Variants in ARID1B observed in about 807,000 individuals in gnomAD.
ARID1B encodes AT-rich interactive domain-containing protein 1B.
ARID1B carries 30 observed loss-of-function variants against 212.3 expected under a neutral mutation model. That is an observed-to-expected ratio of 0.14 (90% confidence interval 0.11 to 0.19). The LOEUF is 0.19. Ranked by LOEUF, ARID1B falls within the 10% of genes least tolerant of loss-of-function variation. ARID1B has a pLI of 1.00. For synonymous variants in ARID1B, 1,402 were observed against 1,301.7 expected, an observed-to-expected ratio of 1.08 and a Z score of -1.66; for missense variants, 2,891 against 3,204.0, an observed-to-expected ratio of 0.90 and a Z score of 2.36.
At chr6:156,971,472 T>TA (rs1380811318) in intron 4 of ARID1B, among the ~76,000 whole-genome samples, 1 of 152,208 alleles carries the variant, frequency 6.6e-6, no homozygotes. Context: ...CCTAACTAGA[T>TA]ACATTAGACA....
intron 3 of ARID1B, among the ~76,000 whole-genome samples, chr6:156,916,796 T>C (rs1372658787): frequency 6.6e-6 from 1 of 152,158 alleles, no homozygotes; most frequent in African/African-American, 2.4e-5. Flanking sequence ...CTTACTCTCC[T>C]AAGATACTGG....
Position 156,856,698 on chromosome 6 carries a change from T to A in ARID1B, c.1986+27277T>A, listed in dbSNP as rs866358796. ...CTCTCTCTCTCTCTCTCTCTCTCTCTCTCACACACACACACACACACACAC... is the reference window on the plus strand; with the variant it reads ...CTCTCTCTCTCTCTCTCTCTCTCTCACTCACACACACACACACACACACAC... On this transcript the variant is annotated intron_variant, in intron 2 of 19. Transcript: ENST00000636930. Among the ~76,000 whole-genome samples the A allele has an allele frequency of 1.2e-4, 10 of 85,680 alleles. No homozygotes were observed. The South Asian group carries it at 4.4e-3, about 38-fold the overall frequency. 56.2% of individuals were successfully genotyped at this position (85,680 alleles called of 152,430 possible).
At chr6:156,867,038 A>G (rs1785748694) in intron 2 of ARID1B, among the ~76,000 whole-genome samples, 1 of 152,222 alleles carries the variant, frequency 6.6e-6, no homozygotes, top group Non-Finnish European at 1.5e-5. Context: ...CTGGCTTATT[A>G]TAATGCTATT....
At chr6:157,011,345 C>T (rs550219520) in intron 4 of ARID1B, among the ~76,000 whole-genome samples, 20 of 152,238 alleles carry the variant, frequency 1.3e-4, no homozygotes, top group South Asian at 6.2e-4. Context: ...TGATAAATTC[C>T]CTTGCATATG....
At chr6:156,791,975 A>G (rs1327490633) in intron 1 of ARID1B, among the ~76,000 whole-genome samples, 6 of 152,132 alleles carry the variant, frequency 3.9e-5, no homozygotes, top group Non-Finnish European at 8.8e-5. Context: ...TACTTTTGAC[A>G]TAGTGGACAA....
At chr6:157,016,651 G>A (rs1204974073) in intron 4 of ARID1B, among the ~76,000 whole-genome samples, 2 of 152,214 alleles carry the variant, frequency 1.3e-5, no homozygotes, top group Non-Finnish European at 2.9e-5. Flanking sequence ...GAGTGGCCCT[G>A]CAATGGAGTG....
At chr6:157,070,313 T>A (rs1783934908) in intron 4 of ARID1B, among the ~76,000 whole-genome samples, 1 of 152,202 alleles carries the variant, frequency 6.6e-6, no homozygotes, top group Admixed American at 6.5e-5. Flanking sequence ...AGATCTTTTC[T>A]CCTTTGAATA....
chr6:157,058,045 T>G (rs1783079551), intron 4 of ARID1B, among the ~76,000 whole-genome samples: 1 of 152,158 alleles, frequency 6.6e-6, no homozygotes, highest in African/African-American at 2.4e-5. Context: ...CTGTAGTACT[T>G]AAGGAAAGCA....
chr6:157,115,726 G>A (rs768821557), intron 6 of ARID1B, among the ~76,000 whole-genome samples: 68 of 152,114 alleles, frequency 4.5e-4, no homozygotes, highest in Non-Finnish European at 8.4e-4. Flanking sequence ...CGCACCCAGC[G>A]GAACTTCTTT....
rs1424382468 is a variant in ARID1B, at chr6:157,133,069, T to C, written c.2623T>C (p.Tyr875His). ...GTQRNPQMAQ[Y>H]GPQQTGPSMS... ...ACAAAGAAACCCTCAGATGGCTCAG[T>C]ATGGACCTCAACAGACAGGACCATC... Residue 875 changes from tyrosine (Y) to histidine (H), a missense_variant, in exon 7 of 20, where the codon TAT becomes CAT. Tyr to His is a moderately conservative substitution (Grantham distance 83). Transcript: ENST00000636930. 2 of 1,613,720 alleles carry C rather than the reference T, an allele frequency of 1.2e-6. No homozygotes were observed. Among genetic ancestry groups the C allele is most frequent in the Admixed American group, 1.7e-5 (1 of 59,886 alleles).
chr6:156,972,936 C>T (rs1283304524), intron 4 of ARID1B, among the ~76,000 whole-genome samples: 1 of 152,138 alleles, frequency 6.6e-6, no homozygotes, highest in Non-Finnish European at 1.5e-5. Context: ...TCAAGTGATA[C>T]TTTGGTTGGT....
chr6:156,798,543 C>T (rs1219501103), intron 1 of ARID1B, among the ~76,000 whole-genome samples: 3 of 152,266 alleles, frequency 2.0e-5, no homozygotes, highest in Admixed American at 6.5e-5. Context: ...GCTGCCCTCG[C>T]TCCTTGTTGA....
At chr6:157,028,609 G>A (rs1780817233) in intron 4 of ARID1B, among the ~76,000 whole-genome samples, 1 of 152,200 alleles carries the variant, frequency 6.6e-6, no homozygotes, top group Non-Finnish European at 1.5e-5. Flanking sequence ...ATAAACGCTG[G>A]AAGTATGGAA....
rs117488312 is a variant in ARID1B, at chr6:157,108,374, G to A, written c.2492-2098G>A. Among the ~76,000 whole-genome samples the A allele has an allele frequency of 2.8e-3, 427 of 152,206 alleles. 1 individual carries two copies. Among genetic ancestry groups the A allele is most frequent in the Middle Eastern group, 0.01 (3 of 294 alleles). On this transcript the variant is annotated intron_variant, in intron 5 of 19. Coordinates refer to ENST00000636930, the MANE Select transcript of ARID1B (RefSeq NM_001374828.1). ...CTCGGGCGTGCACTGTCTAAGCCAC[G>A]GTGCCCTGTGTTCACATAGAATTAC...
intron 2 of ARID1B, among the ~76,000 whole-genome samples, chr6:156,893,600 T>TA (rs138270415): frequency 0.28 from 42,457 of 151,626 alleles, 6,102 homozygotes; most frequent in Non-Finnish European, 0.33. Context: ...ATAACCTAAT[T>TA]AAAAAAAATG....
intron 1 of ARID1B, among the ~76,000 whole-genome samples, chr6:156,819,612 G>A (rs1485161629): frequency 6.6e-6 from 1 of 152,162 alleles, no homozygotes; most frequent in East Asian, 1.9e-4. Flanking sequence ...CTTCCTTTCT[G>A]GACTTATTCT....
intron 1 of ARID1B, among the ~76,000 whole-genome samples, chr6:156,818,262 A>C (rs1184786126): frequency 6.6e-6 from 1 of 152,136 alleles, no homozygotes; most frequent in African/African-American, 2.4e-5. Context: ...CATATCTCTG[A>C]AAAGCATTTT....
At chr6:156,945,181 C>T (rs533646276) in intron 4 of ARID1B, among the ~76,000 whole-genome samples, 141 of 146,692 alleles carry the variant, frequency 9.6e-4, no homozygotes, top group African/African-American at 3.3e-3. Context: ...GTGATCCGCC[C>T]GCCTCTGCCA....
chr6:157,143,191 T>C (rs6899517), intron 7 of ARID1B, among the ~76,000 whole-genome samples: 35,869 of 151,972 alleles, frequency 0.24, 4,595 homozygotes, highest in African/African-American at 0.33. Flanking sequence ...AAACTGTGGG[T>C]CCTTGGACTT....
Sources: allele counts gnomAD v4.1 joint callset (sites outside exome capture counted in the v4.1 genomes callset), GRCh38; gene constraint gnomAD v4.1.1; transcripts MANE v1.5; gene names NCBI Gene and HGNC (gene_info 2026-07-23, HGNC 2026-07-21).